Variants in ITGA6 observed in about 807,000 individuals in gnomAD.
ITGA6 encodes integrin alpha-6.
Under a neutral mutation model 133.6 loss-of-function variants are expected in ITGA6, and 63 were observed. The ratio of observed to expected loss-of-function variants is 0.47; its 90% CI spans 0.38 to 0.58. The LOEUF is 0.58. Among genes scored for constraint, ITGA6 ranks in the 20% least tolerant of loss-of-function variants. ITGA6 has a pLI of 0.00. For missense variants in ITGA6, 1,068 were observed against 1,309.4 expected, an observed-to-expected ratio of 0.82 and a Z score of 2.85; for synonymous variants, 434 against 482.0, an observed-to-expected ratio of 0.90 and a Z score of 1.30.
At chr2:172,428,012 C>T in intron 1 of ITGA6, 42 bp downstream of exon 1, 2 of 1,574,168 alleles carry the variant, frequency 1.3e-6, no homozygotes, top group Non-Finnish European at 8.6e-7. Context: ...GGGCGCCGGC[C>T]TGCGCGCGAG....
intron 1 of ITGA6, among the ~76,000 whole-genome samples, chr2:172,429,542 T>C (rs1040466892): frequency 1.3e-5 from 2 of 152,180 alleles, no homozygotes; most frequent in African/African-American, 2.4e-5. Context: ...GGGAAAGTAC[T>C]GGGACAAGAA....
Position 172,489,506 on chromosome 2 carries a change from C to G in ITGA6, c.2527C>G (p.Leu843Val). 6.2e-7 allele frequency: 1 copy of G among 1,613,592 alleles called. No homozygotes were observed. The highest frequency in any genetic ancestry group is 8.5e-7 in the Non-Finnish European group (1 of 1,179,516). Residue 843 changes from leucine to valine, a missense_variant, in exon 20 of 26, where the codon CTT becomes GTT. This residue lies in a region of ITGA6 where 609 missense variants were observed against 707.2 expected (regional missense o/e 0.86). Transcript: ENST00000684293. ...ACAGGTAATAAACTTAGGTAAACCT[C>G]TTACAAACCTCGGCACAGCAACCTT... ...EFRVINLGKP[L>V]TNLGTATLNI...
intron 11 of ITGA6, among the ~76,000 whole-genome samples, chr2:172,481,606 C>T (rs1158787790): frequency 6.6e-6 from 1 of 152,126 alleles, no homozygotes; most frequent in East Asian, 1.9e-4. Flanking sequence ...TTCCAGATTT[C>T]GAGCTGTCTG....
chr2:172,476,517 T>C lies in ITGA6; in HGVS notation c.1388+4T>C. On this transcript the variant is annotated splice_donor_region_variant and intron_variant, in intron 9 of 25. Transcript: ENST00000684293. ...CAGATTCAGTAACTATTTTCAGGTC[T>C]GTTATCTATGATTTTAGTGTTAAGC... 1 of 1,466,800 alleles carries C rather than the reference T, an allele frequency of 6.8e-7. No homozygotes were observed. The highest frequency in any genetic ancestry group is 9.6e-7 in the Non-Finnish European group (1 of 1,045,440). 90.9% of individuals were successfully genotyped at this position (1,466,800 alleles called of 1,614,324 possible).
In ITGA6 at chr2:172,505,673, T is replaced by A. The variant is rs1687530561; in HGVS notation, c.*1605T>A. 6.6e-6 allele frequency: 1 copy of A among 152,628 alleles called. No individual in the cohort carries two copies. The highest frequency in any genetic ancestry group is 1.5e-5 in the Non-Finnish European group (1 of 68,032). The allele number at this position is 152,628 out of a possible 1,614,324, so 9.5% of individuals were successfully genotyped here. A position where few individuals can be genotyped will look rare whatever the true frequency, so the allele number is the denominator to read the frequency against. On this transcript the variant is annotated 3_prime_UTR_variant, in exon 26 of 26. Coordinates refer to ENST00000684293, the MANE Select transcript of ITGA6 (RefSeq NM_000210.4). ...TGTTTTGGATATAGTATAAGCAGTG[T>A]CTGTGTTTTGAAAGAATAGAACACA...
chr2:172,443,463 G>T (rs1229895323), intron 1 of ITGA6, among the ~76,000 whole-genome samples: 4 of 152,098 alleles, frequency 2.6e-5, no homozygotes, highest in Non-Finnish European at 5.9e-5. Context: ...TGGCCTGGCC[G>T]GCGTTGTTGT....
chr2:172,482,608 CATACTTTTGCT>C (rs1425452486), intron 11 of ITGA6, among the ~76,000 whole-genome samples: 1 of 151,058 alleles, frequency 6.6e-6, no homozygotes, highest in African/African-American at 2.4e-5. Context: ...CCACACCTCC[CATACTTTTGCT>C]GTGAGGGGCA....
chr2:172,457,368 C>T (rs1266310464), intron 1 of ITGA6, among the ~76,000 whole-genome samples: 3 of 150,456 alleles, frequency 2.0e-5, no homozygotes, highest in South Asian at 2.1e-4. Flanking sequence ...GATTTAGCAT[C>T]GTAATTGCAA....
chr2:172,491,610 G>A lies in ITGA6; in HGVS notation c.2988+87G>A. ...TCATGTCCTGAAGTCATGTGCTTTGGTGCTCATTTCCCTCATAGCCCCATT... is the reference window on the plus strand; with the variant it reads ...TCATGTCCTGAAGTCATGTGCTTTGATGCTCATTTCCCTCATAGCCCCATT... On this transcript the variant is annotated intron_variant, in intron 23 of 25. Coordinates refer to ENST00000684293, the MANE Select transcript of ITGA6 (RefSeq NM_000210.4). This position sits in a 1 kb window ranked among gnomAD's most constrained non-coding sequence, Gnocchi z 4.4. The A allele has an allele frequency of 2.3e-6, 2 of 885,208 alleles. No individual in the cohort carries two copies. Among genetic ancestry groups the A allele is most frequent in the Non-Finnish European group, 3.7e-6 (2 of 540,038 alleles). The allele number at this position is 885,208 out of a possible 1,614,324, so 54.8% of individuals were successfully genotyped here.
chr2:172,469,058 C>A (rs1685802534), intron 3 of ITGA6, 67 bp from the exon 4 acceptor site: 1 of 1,532,142 alleles, frequency 6.5e-7, no homozygotes, highest in Non-Finnish European at 9.0e-7. Flanking sequence ...CCATTTTATT[C>A]ATATGTAATT....
intron 1 of ITGA6, among the ~76,000 whole-genome samples, chr2:172,431,582 T>A (rs1684107737): frequency 6.6e-6 from 1 of 152,218 alleles, no homozygotes. Flanking sequence ...GAAGTGTGGC[T>A]GTAGCTAGCC....
chr2:172,481,535 A>AT (rs1255524201), intron 11 of ITGA6, among the ~76,000 whole-genome samples: 2 of 152,050 alleles, frequency 1.3e-5, no homozygotes, highest in Admixed American at 1.3e-4. Flanking sequence ...ACTGTCTTTA[A>AT]TTTTTTTTAA....
At chr2:172,453,071 T>C (rs1303739314) in intron 1 of ITGA6, among the ~76,000 whole-genome samples, 1 of 152,172 alleles carries the variant, frequency 6.6e-6, no homozygotes, top group Non-Finnish European at 1.5e-5. Context: ...GCTCAGGAAA[T>C]GTTTGCTGAA....
Position 172,429,259 on chromosome 2 carries a change from G to A in ITGA6, c.182+1289G>A, listed in dbSNP as rs141956446. ...GGAGGCTCTAGGAGGGTGGTCTGAG[G>A]CTATATGCCTGGCCAGCTGCTTATA... On this transcript the variant is annotated intron_variant, in intron 1 of 25. Coordinates refer to ENST00000684293, the MANE Select transcript of ITGA6 (RefSeq NM_000210.4). Among the ~76,000 whole-genome samples the A allele has an allele frequency of 1.1e-3, 171 of 152,136 alleles. 1 individual carries two copies. The highest frequency in any genetic ancestry group is 4.0e-3 in the African/African-American group (167 of 41,502).
Position 172,469,241 on chromosome 2 carries a change from T to C in ITGA6, c.504T>C (p.Asp168=). 1 of 1,614,070 alleles carries C rather than the reference T, an allele frequency of 6.2e-7. No homozygotes were observed. Among genetic ancestry groups the C allele is most frequent in the Non-Finnish European group, 8.5e-7 (1 of 1,179,994 alleles). The change falls in exon 4 of 26, where the codon GAT becomes GAC. Residue 168 remains aspartate, a synonymous_variant. Coordinates refer to ENST00000684293, the MANE Select transcript of ITGA6 (RefSeq NM_000210.4). ...ATCTCAGGATTGAAGACGATATGGA[T>C]GGGGGAGATTGGAGCTTTTGTGATG... is the stretch of plus-strand genomic sequence containing the variant. The part of the protein sequence containing the change: ...SQNLRIEDDM[D]GGDWSFCDGR...
chr2:172,494,525 A>G lies in ITGA6; in HGVS notation c.2988+3002A>G, dbSNP rs1042330013. On this transcript the variant is annotated intron_variant, in intron 23 of 25. Transcript: ENST00000684293. ...CCTGTCTCAAAACAAACAATAAAAAACACTTCTAAATTAGGATACTATTAT... is the reference window on the plus strand; with the variant it reads ...CCTGTCTCAAAACAAACAATAAAAAGCACTTCTAAATTAGGATACTATTAT... Among the ~76,000 whole-genome samples, 297 of 152,276 alleles carry G rather than the reference A, an allele frequency of 2.0e-3. 1 individual carries two copies. Among genetic ancestry groups the G allele is most frequent in the Non-Finnish European group, 4.7e-4 (32 of 68,014 alleles).
intron 1 of ITGA6, among the ~76,000 whole-genome samples, chr2:172,435,027 A>AGTGT (rs72087668): frequency 0.03 from 4,312 of 144,122 alleles, 162 homozygotes; most frequent in East Asian, 0.13. Flanking sequence ...GGTGGTTTTA[A>AGTGT]GTGTGTGTGT....
intron 3 of ITGA6, chr2:172,468,905 T>G (rs1304578910): frequency 1.9e-6 from 1 of 515,456 alleles, no homozygotes; most frequent in Admixed American, 3.4e-5. Context: ...TTATTCTGAG[T>G]GAGAATAAGG....
Position 172,472,797 on chromosome 2 carries a change from T to C in ITGA6, c.776-1258T>C, listed in dbSNP as rs1686000702. ...AGGCCTGCTGTTTTTGACCAGCGTT[T>C]CCTATACAGATCCTGATCAGTTTGT... On this transcript the variant is annotated intron_variant, in intron 5 of 25. Transcript: ENST00000684293. 4 of 1,612,222 alleles carry C rather than the reference T, an allele frequency of 2.5e-6. No homozygotes were observed. In the African/African-American group the frequency reaches 4.0e-5, roughly 16 times the overall value.
Sources: gnomAD v4.1 joint callset for allele counts (sites outside exome capture counted in the v4.1 genomes callset) on GRCh38, gnomAD v4.1.1 for gene constraint, gnomAD v4.1.1 regional missense constraint, Gnocchi (gnomAD v3.1) non-coding constraint, MANE v1.5 for transcripts, NCBI Gene and HGNC (gene_info 2026-07-23, HGNC 2026-07-21) for gene names.